Variants in ARSD observed in about 807,000 individuals in gnomAD.
ARSD encodes the protein testis tissue sperm-binding protein Li 39a.
Under a neutral mutation model 32.6 loss-of-function variants are expected in ARSD, and 21 were observed. The observed-to-expected ratio is 0.64, with a 90% CI of 0.46 to 0.93. The LOEUF is 0.93. Among genes scored for constraint, ARSD ranks in the 40% least tolerant of loss-of-function variants. The pLI is 0.00. For synonymous variants in ARSD, 224 were observed against 237.4 expected, an observed-to-expected ratio of 0.94 and a Z score of 0.52; for missense variants, 454 against 520.9, an observed-to-expected ratio of 0.87 and a Z score of 1.25.
chrX:2,908,612 A>G, intron 9 of ARSD, 109 bp downstream of exon 9: 3 of 741,995 alleles, frequency 4.0e-6, no homozygotes, highest in Non-Finnish European at 5.5e-6. Flanking sequence ...CCATCCACCC[A>G]TCCATCCATC....
rs200151066 is a variant in ARSD, at chrX:2,908,605, T to TCCAC, written c.1420+112_1420+115dup. 4.1e-3 allele frequency: 2,980 copies of TCCAC among 722,792 alleles called. 68 individuals carry two copies. In the African/African-American group the frequency reaches 0.061, roughly 15 times the overall value. The allele number at this position is 722,792 out of a possible 1,213,427, so 59.6% of individuals were successfully genotyped here. A position where few individuals can be genotyped will look rare whatever the true frequency, so the allele number is the denominator to read the frequency against. ...CTCTATTTCTATAGCTATCTGTCCA[T>TCCAC]CCACCCATCCATCCATCCATCCATT... On this transcript the variant is annotated intron_variant, in intron 9 of 9. Coordinates refer to ENST00000381154, the MANE Select transcript of ARSD (RefSeq NM_001669.4).
intron 2 of ARSD, among the ~76,000 whole-genome samples, chrX:2,922,851 A>C (rs77210552): frequency 1.3e-5 from 1 of 78,237 alleles, no homozygotes; most frequent in Admixed American, 1.4e-4. Context: ...TCAAAAAAAA[A>C]AAAAAAAAAA....
intron 3 of ARSD, among the ~76,000 whole-genome samples, chrX:2,921,086 A>G (rs1205030176): frequency 3.6e-5 from 4 of 111,383 alleles, no homozygotes; most frequent in Non-Finnish European, 7.5e-5. Context: ...AGTGCACAGA[A>G]CAGCCCCACC....
intron 5 of ARSD, 81 bp downstream of exon 5, chrX:2,917,723 G>T: frequency 9.9e-7 from 1 of 1,009,001 alleles, no homozygotes; most frequent in Non-Finnish European, 1.3e-6. Context: ...CTCCCATCTT[G>T]GCCTCCCGAA....
chrX:2,916,526 C>T (rs1239698700), intron 5 of ARSD, among the ~76,000 whole-genome samples: 2 of 111,424 alleles, frequency 1.8e-5, no homozygotes, highest in Middle Eastern at 4.6e-3. Flanking sequence ...GGTATATGTA[C>T]GTGATGGAAT....
Position 2,917,896 on chromosome X carries a change from G to C in ARSD, c.771C>G (p.Ile257Met). 8.3e-7 allele frequency: 1 copy of C among 1,212,021 alleles called. No individual in the cohort carries two copies. The highest frequency in any genetic ancestry group is 1.1e-6 in the Non-Finnish European group (1 of 895,435). Reference protein sequence around the residue: ...SFGFVRRWNCILMRNHDVTEQ... With the variant: ...SFGFVRRWNCMLMRNHDVTEQ... ...CCGTGACGTCATGGTTTCTCATCAG[G>C]ATACAGTTCCAGCGTCGCACAAACC... The change falls in exon 5 of 10, where the codon ATC becomes ATG. Residue 257 changes from isoleucine to methionine, a missense_variant. Around this residue, in one of 3 missense-constraint regions of ARSD, gnomAD observed 271 missense variants for 301.0 expected, o/e 0.90. Transcript: ENST00000381154.
chrX:2,920,565 A>C, intron 4 of ARSD, 36 bp downstream of exon 4: 1 of 1,210,045 alleles, frequency 8.3e-7, no homozygotes. Context: ...AATATTCCCA[A>C]CCACCGTATA....
chrX:2,927,740 C>T (rs887186578), intron 1 of ARSD, among the ~76,000 whole-genome samples: 12 of 112,016 alleles, frequency 1.1e-4, no homozygotes, highest in African/African-American at 3.6e-4. Flanking sequence ...GTGACTTCAC[C>T]CTAGTCTCTG....
In ARSD at chrX:2,904,949, C is replaced by A. The variant is rs753631819; in HGVS notation, c.*2322G>T. On this transcript the variant is annotated 3_prime_UTR_variant, in exon 10 of 10. Transcript: ENST00000381154. The stretch of plus-strand genomic sequence containing the variant: ...CATTTTTTGGTTATGCCAGGTGTCT[C>A]CTGTGTGTCCCTCCAGATCCCTCTC... The A allele has an allele frequency of 2.6e-5, 8 of 305,364 alleles. No homozygotes were observed. In the East Asian group the frequency reaches 7.9e-4, roughly 30 times the overall value. The allele number at this position is 305,364 out of a possible 1,213,427, so 25.2% of individuals were successfully genotyped here. A position where few individuals can be genotyped will look rare whatever the true frequency, so the allele number is the denominator to read the frequency against.
intron 6 of ARSD, chrX:2,914,859 T>G (rs1268631830): frequency 3.1e-6 from 3 of 982,059 alleles, no homozygotes; most frequent in Non-Finnish European, 4.0e-6. Flanking sequence ...GAGTGTGTTC[T>G]GCCCCCATTC....
intron 3 of ARSD, 136 bp downstream of exon 3, chrX:2,921,767 A>G: frequency 2.5e-6 from 2 of 805,246 alleles, no homozygotes; most frequent in Non-Finnish European, 3.5e-6. Context: ...TTACATAAAT[A>G]CAAGGAAGAC....
In ARSD at chrX:2,908,789, G is replaced by C. The variant is rs771419496; in HGVS notation, c.1352C>G (p.Ser451Trp). ...VPLLQGAEAR[S>W]AHEFLFHYCG... Reference sequence around the variant, plus strand: ...GTAATGAAACAGGAACTCATGTGCCGAGCGTGCCTCAGCTCCCTGCAGCAA... The same window carrying C: ...GTAATGAAACAGGAACTCATGTGCCCAGCGTGCCTCAGCTCCCTGCAGCAA... The change falls in exon 9 of 10, where the codon TCG (serine) becomes TGG (tryptophan). Residue 451 changes from serine (S) to tryptophan (W), a missense_variant. Ser to Trp is a radical substitution (Grantham distance 177). Around this residue, in one of 3 missense-constraint regions of ARSD, gnomAD observed 179 missense variants for 198.5 expected, o/e 0.90. Coordinates refer to ENST00000381154, the MANE Select transcript of ARSD (RefSeq NM_001669.4). 2.3e-5 allele frequency: 28 copies of C among 1,210,281 alleles called. No individual in the cohort carries two copies. Among genetic ancestry groups the C allele is most frequent in the Middle Eastern group, 2.3e-4 (1 of 4,343 alleles).
At chrX:2,915,279 C>G (rs5982614) in intron 6 of ARSD, among the ~76,000 whole-genome samples, 11,666 of 111,101 alleles carry the variant, frequency 0.11, 649 homozygotes, top group East Asian at 0.49. Context: ...CTTAACCTCC[C>G]GAGTAGCTGG....
At position 2,907,342 on chromosome X, in the gene ARSD, GC is replaced by G; in HGVS notation, c.1710del (p.Lys570AsnfsTer37). 4 of 1,212,094 alleles carry G rather than the reference GC, an allele frequency of 3.3e-6. No homozygotes were observed. The highest frequency in any genetic ancestry group is 1.7e-5 in the African/African-American group (1 of 57,944). ...QQFSMSNILWKPWLQPCCGHF... is the reference protein window; with the variant it reads ...QQFSMSNILWXPWLQPCCGHF... The stretch of plus-strand genomic sequence containing the variant: ...TGTCCGCAGCACGGCTGCAGCCACG[GC>G]TTCCACAGGATGTTGCTCATGGAAA... On this transcript the variant is annotated frameshift_variant, in exon 10 of 10. Coordinates refer to ENST00000381154, the MANE Select transcript of ARSD (RefSeq NM_001669.4). LOFTEE classifies it low-confidence loss of function (END_TRUNC).
At chrX:2,920,917 ATACCTACC>A (rs1371589957) in intron 3 of ARSD, among the ~76,000 whole-genome samples, 194 bp from the exon 4 acceptor site, 1 of 111,619 alleles carries the variant, frequency 9.0e-6, no homozygotes, top group South Asian at 3.8e-4. Context: ...ACCTACCTAC[ATACCTACC>A]TACCTACCGA....
At chrX:2,919,259 C>T (rs950866867) in intron 4 of ARSD, among the ~76,000 whole-genome samples, 1 of 102,682 alleles carries the variant, frequency 9.7e-6, no homozygotes, top group African/African-American at 3.7e-5. Context: ...TAGGGTGTTG[C>T]GGCTCCTGTG....
Position 2,907,122 on chromosome X carries a change from A to G in ARSD, c.*149T>C. ...ACAGAGCGACACTCTGTCTCAAAAA[A>G]GAAAGAAAGAAAGAAAGAAAGTGGG... On this transcript the variant is annotated 3_prime_UTR_variant, in exon 10 of 10. Coordinates refer to ENST00000381154, the MANE Select transcript of ARSD (RefSeq NM_001669.4). 1 of 459,989 alleles carries G rather than the reference A, an allele frequency of 2.2e-6. No individual in the cohort carries two copies. Among genetic ancestry groups the G allele is most frequent in the Non-Finnish European group, 3.6e-6 (1 of 279,158 alleles). The allele number at this position is 459,989 out of a possible 1,213,427, so 37.9% of individuals were successfully genotyped here.
chrX:2,911,580 G>A (rs77721652), intron 6 of ARSD, among the ~76,000 whole-genome samples: 8,919 of 102,295 alleles, frequency 0.087, 500 homozygotes, highest in East Asian at 0.43. Context: ...TGAGGCAGGA[G>A]AATGGTGTGA....
In ARSD at chrX:2,906,266, T is replaced by A. The variant is rs1161500992; in HGVS notation, c.*1005A>T. The A allele has an allele frequency of 9.1e-6, 1 of 110,264 alleles. No individual in the cohort carries two copies. The highest frequency in any genetic ancestry group is 1.9e-5 in the Non-Finnish European group (1 of 52,856). 9.1% of individuals were successfully genotyped at this position (110,264 alleles called of 1,213,427 possible). ...AATCCTCCCGCCTCAGCCTCCTAAG[T>A]AGCTGAGACTACAGCTGTGCGCCAC... On this transcript the variant is annotated 3_prime_UTR_variant, in exon 10 of 10. Transcript: ENST00000381154.
Sources: gnomAD v4.1 joint callset for allele counts (sites outside exome capture counted in the v4.1 genomes callset) on GRCh38, gnomAD v4.1.1 for gene constraint, gnomAD v4.1.1 regional missense constraint, MANE v1.5 for transcripts, NCBI Gene and HGNC (gene_info 2026-07-23, HGNC 2026-07-21) for gene names.